Variants in TRAF6 observed in about 807,000 individuals in gnomAD.
TRAF6 encodes TNF receptor-associated factor 6.
In TRAF6, 10 loss-of-function variants were observed where a neutral mutation model predicts 48.4. The observed-to-expected ratio is 0.21, with a 90% CI of 0.13 to 0.35. The LOEUF (loss-of-function observed/expected upper bound fraction) is 0.35, where lower values mean the gene tolerates loss of function less well. Among genes scored for constraint, TRAF6 ranks in the 10% least tolerant of loss-of-function variants. The pLI is 1.00. For synonymous variants in TRAF6, 186 were observed against 219.6 expected, an observed-to-expected ratio of 0.85 and a Z score of 1.35; for missense variants, 397 against 661.0, an observed-to-expected ratio of 0.60 and a Z score of 4.38.
chr11:36,501,646 TC>T (rs1859717891), intron 1 of TRAF6, 109 bp from the exon 2 acceptor site: 1 of 819,988 alleles, frequency 1.2e-6, no homozygotes, highest in African/African-American at 1.7e-5. Context: ...TTCATGTACA[TC>T]AGCTGTATTA....
At position 36,494,909 on chromosome 11, in the gene TRAF6, A is replaced by G; in HGVS notation, c.678+67T>C. The G allele has an allele frequency of 2.5e-6, 3 of 1,183,706 alleles. No homozygotes were observed. In the South Asian group the frequency reaches 4.1e-5, roughly 16 times the overall value. The allele number at this position is 1,183,706 out of a possible 1,614,324, so 73.3% of individuals were successfully genotyped here. On this transcript the variant is annotated intron_variant, in intron 5 of 6. Coordinates refer to ENST00000526995, the MANE Select transcript of TRAF6 (RefSeq NM_004620.4). Reference sequence around the variant, plus strand: ...TTTGCCTTATTGATTTAAATTTTCAATTAAAAAACCTAATTCACTTCTTTA... The same window carrying G: ...TTTGCCTTATTGATTTAAATTTTCAGTTAAAAAACCTAATTCACTTCTTTA...
In TRAF6 at chr11:36,486,905, A is replaced by G. The variant is rs1412849583; in HGVS notation, c.*2933T>C. ...GGAGTTCCAGACGAGACTGGCCAATATGGTGAAACCCGGTCTCTACTCAAA... is the reference window on the plus strand; with the variant it reads ...GGAGTTCCAGACGAGACTGGCCAATGTGGTGAAACCCGGTCTCTACTCAAA... On this transcript the variant is annotated 3_prime_UTR_variant, in exon 7 of 7. Coordinates refer to ENST00000526995, the MANE Select transcript of TRAF6 (RefSeq NM_004620.4). 1 of 151,734 alleles carries G rather than the reference A, an allele frequency of 6.6e-6. No individual in the cohort carries two copies. The highest frequency in any genetic ancestry group is 1.5e-5 in the Non-Finnish European group (1 of 68,022). 9.4% of individuals were successfully genotyped at this position (151,734 alleles called of 1,614,324 possible). A position where few individuals can be genotyped will look rare whatever the true frequency, so the allele number is the denominator to read the frequency against.
At position 36,489,705 on chromosome 11, in the gene TRAF6, T is replaced by A; in HGVS notation, c.*133A>T. On this transcript the variant is annotated 3_prime_UTR_variant, in exon 7 of 7. Coordinates refer to ENST00000526995, the MANE Select transcript of TRAF6 (RefSeq NM_004620.4). ...ATTTGTAACAGGAAGAAATAGTAAGTGACCTCTCTAACAACACTCACTAGT... is the reference window on the plus strand; with the variant it reads ...ATTTGTAACAGGAAGAAATAGTAAGAGACCTCTCTAACAACACTCACTAGT... The A allele has an allele frequency of 1.0e-6, 1 of 979,324 alleles. No individual in the cohort carries two copies. Among genetic ancestry groups the A allele is most frequent in the Non-Finnish European group, 1.5e-6 (1 of 649,976 alleles). The allele number at this position is 979,324 out of a possible 1,614,324, so 60.7% of individuals were successfully genotyped here.
At chr11:36,495,783 T>C (rs977830501) in intron 4 of TRAF6, among the ~76,000 whole-genome samples, 2 of 152,028 alleles carry the variant, frequency 1.3e-5, no homozygotes, top group African/African-American at 2.4e-5. Context: ...TCCCAGCTAC[T>C]TGGGAGGCTG....
Position 36,487,174 on chromosome 11 carries a change from C to T in TRAF6, c.*2664G>A, listed in dbSNP as rs1859496887. 1 of 152,074 alleles carries T rather than the reference C, an allele frequency of 6.6e-6. No individual in the cohort carries two copies. The highest frequency in any genetic ancestry group is 6.5e-5 in the Admixed American group (1 of 15,268). 9.4% of individuals were successfully genotyped at this position (152,074 alleles called of 1,614,324 possible). ...ATTTCTTTTTTAATTTAGCAATGTC[C>T]CAGAATGATGCCAAAAGATAAATAT... is the stretch of plus-strand genomic sequence containing the variant. On this transcript the variant is annotated 3_prime_UTR_variant, in exon 7 of 7. Coordinates refer to ENST00000526995, the MANE Select transcript of TRAF6 (RefSeq NM_004620.4).
At position 36,508,372 on chromosome 11, in the gene TRAF6, G is replaced by C. The variant is rs548044456; in HGVS notation, c.-23+1676C>G. Among the ~76,000 whole-genome samples the C allele has an allele frequency of 1.6e-4, 24 of 152,026 alleles. 1 individual carries two copies. The South Asian group carries it at 5.0e-3, about 32-fold the overall frequency. On this transcript the variant is annotated intron_variant, in intron 1 of 6. Transcript: ENST00000526995. ...TTTCAGCCGTAAAATGAGTAGTATT[G>C]AAAGCAGCCTTGTCATAAATCAAGA...
chr11:36,503,661 T>C (rs916051077), intron 1 of TRAF6, among the ~76,000 whole-genome samples: 3 of 152,122 alleles, frequency 2.0e-5, no homozygotes, highest in Non-Finnish European at 4.4e-5. Context: ...TGTGGACTCC[T>C]AGGGAAGGTT....
intron 6 of TRAF6, among the ~76,000 whole-genome samples, chr11:36,492,214 C>G (rs1859573346): frequency 6.6e-6 from 1 of 152,238 alleles, no homozygotes; most frequent in Admixed American, 6.5e-5. Flanking sequence ...ATCTACATTG[C>G]TATTGGGTTG....
At chr11:36,500,647 T>C (rs570944882) in intron 2 of TRAF6, among the ~76,000 whole-genome samples, 8 of 152,250 alleles carry the variant, frequency 5.3e-5, no homozygotes, top group African/African-American at 1.9e-4. Context: ...GGAGGCCTGT[T>C]AGAGAGCTGG....
intron 6 of TRAF6, 136 bp downstream of exon 6, chr11:36,492,415 T>C (rs1242688690): frequency 5.5e-6 from 4 of 727,822 alleles, no homozygotes; most frequent in Non-Finnish European, 8.9e-6. Flanking sequence ...GCTCACAGCA[T>C]CCATGAATAA....
At chr11:36,493,402 AT>A (rs1190741570) in intron 5 of TRAF6, among the ~76,000 whole-genome samples, 2 of 152,132 alleles carry the variant, frequency 1.3e-5, no homozygotes, top group East Asian at 3.9e-4. Flanking sequence ...GGCCAATAAA[AT>A]TTTTTGTAAA....
chr11:36,490,168 T>C lies in TRAF6; in HGVS notation c.1239A>G (p.Thr413=), dbSNP rs1859544119. The change falls in exon 7 of 7, where the codon ACA becomes ACG. Residue 413 remains threonine (T), a synonymous_variant. Coordinates refer to ENST00000526995, the MANE Select transcript of TRAF6 (RefSeq NM_004620.4). This position sits in a 1 kb window ranked among gnomAD's most constrained non-coding sequence, Gnocchi z 6.4. ...GGTGGCTGTCATATTCTCCTTGCAT[T>C]GTGTGGACAAAAAGGGATATATAGT... ...CANYISLFVH[T]MQGEYDSHLP... 6.2e-7 allele frequency: 1 copy of C among 1,614,024 alleles called. No homozygotes were observed. Among genetic ancestry groups the C allele is most frequent in the African/African-American group, 1.3e-5 (1 of 74,908 alleles).
chr11:36,499,547 C>A (rs1043960853), intron 2 of TRAF6, among the ~76,000 whole-genome samples: 2 of 152,080 alleles, frequency 1.3e-5, no homozygotes, highest in African/African-American at 4.8e-5. Context: ...GGCAGTGAGC[C>A]GAGATCGCGC....
chr11:36,489,852 C>T lies in TRAF6; in HGVS notation c.1555G>A (p.Asp519Asn), dbSNP rs372550520. ...GTGAGGGCAAGCTATACCCCTGCATCAGTACTTCGTGGCTGAAAACCCTCC... is the reference window on the plus strand; with the variant it reads ...GTGAGGGCAAGCTATACCCCTGCATTAGTACTTCGTGGCTGAAAACCCTCC... ...RREGFQPRST[D>N]AGV Residue 519 changes from aspartate (D) to asparagine (N), a missense_variant, in exon 7 of 7, where the codon GAT (aspartate) becomes AAT (asparagine). This residue lies in a region of TRAF6 where 74 missense variants were observed against 198.9 expected (regional missense o/e 0.37). Coordinates refer to ENST00000526995, the MANE Select transcript of TRAF6 (RefSeq NM_004620.4). 7.6e-5 allele frequency: 123 copies of T among 1,613,432 alleles called. No homozygotes were observed. The highest frequency in any genetic ancestry group is 9.1e-5 in the Non-Finnish European group (107 of 1,179,568).
At chr11:36,497,002 TCA>T (rs1440431994) in intron 4 of TRAF6, 104 bp downstream of exon 4, 40 of 1,196,222 alleles carry the variant, frequency 3.3e-5, no homozygotes, top group Non-Finnish European at 1.2e-5. Context: ...TAATGTAGAC[TCA>T]GAGTCGGAGT....
chr11:36,508,062 G>T (rs1859831734), intron 1 of TRAF6, among the ~76,000 whole-genome samples: 1 of 151,508 alleles, frequency 6.6e-6, no homozygotes, highest in African/African-American at 2.4e-5. Context: ...TTGCCATATT[G>T]CCCAGGCTGG....
rs1221241965 is a variant in TRAF6, at chr11:36,485,932, C to T, written c.*3906G>A. 2.6e-5 allele frequency among the ~76,000 whole-genome samples: 4 copies of T among 152,132 alleles called. No individual in the cohort carries two copies. The highest frequency in any genetic ancestry group is 7.2e-5 in the African/African-American group (3 of 41,380). On this transcript the variant is annotated 3_prime_UTR_variant, in exon 7 of 7. Coordinates refer to ENST00000526995, the MANE Select transcript of TRAF6 (RefSeq NM_004620.4). ...TCAATCTGGGAGTTTAGAAAAAGCA[C>T]ACTTCAAAATAAAAATATAAATGAC...
rs1190493146 is a variant in TRAF6 at position 36,494,708 on chromosome 11, G to C, written c.678+268C>G. 2.0e-5 allele frequency among the ~76,000 whole-genome samples: 3 copies of C among 151,366 alleles called. 1 individual carries two copies. The South Asian group carries it at 6.2e-4, about 31-fold the overall frequency. ...TTTGATTATTTTTATCTTAAAATTG[G>C]TTTTGTTGGGAATTTTTATGAATAT... On this transcript the variant is annotated intron_variant, in intron 5 of 6. Transcript: ENST00000526995.
chr11:36,505,639 A>C (rs1359975203), intron 1 of TRAF6, among the ~76,000 whole-genome samples: 1 of 152,190 alleles, frequency 6.6e-6, no homozygotes, highest in Non-Finnish European at 1.5e-5. Context: ...AATTTCCTTC[A>C]AAAACTTTTC....
Sources: allele counts gnomAD v4.1 joint callset (sites outside exome capture counted in the v4.1 genomes callset), GRCh38; gene constraint gnomAD v4.1.1; regional missense constraint gnomAD v4.1.1; non-coding constraint Gnocchi (gnomAD v3.1); transcripts MANE v1.5; gene names NCBI Gene and HGNC (gene_info 2026-07-23, HGNC 2026-07-21).